CHST11: variants seen among roughly 807,000 people sequenced by gnomAD.
The protein encoded by CHST11 is C4S-1.
CHST11 carries 9 observed loss-of-function variants against 30.4 expected under a neutral mutation model. That is an observed-to-expected ratio of 0.30 (90% CI 0.18 to 0.52). The LOEUF (loss-of-function observed/expected upper bound fraction) is 0.52, where lower values mean the gene tolerates loss of function less well. CHST11 is among the 20% of genes least tolerant of loss of function. CHST11 has a pLI of 0.97. For missense variants in CHST11, 348 were observed against 460.6 expected (o/e 0.76, Z 2.24); for synonymous variants, 152 against 187.8 (o/e 0.81, Z 1.56).
intron 2 of CHST11, among the ~76,000 whole-genome samples, chr12:104,658,041 C>T (rs1246720859): frequency 6.6e-6 from 1 of 152,182 alleles, no homozygotes; most frequent in African/African-American, 2.4e-5. Flanking sequence ...CCGCCGAGGC[C>T]AGCCAGCCAA....
At chr12:104,753,570 C>A (rs899101595) in intron 2 of CHST11, among the ~76,000 whole-genome samples, 37 of 152,188 alleles carry the variant, frequency 2.4e-4, no homozygotes, top group Admixed American at 2.4e-3. Context: ...GGACCCATGA[C>A]CACTGGGCAT....
In CHST11 at chr12:104,744,870, TTTATTTATTTATTTA is replaced by T. The variant is rs1347351413; in HGVS notation, c.205-12076_205-12062del. Among the ~76,000 whole-genome samples, 213 of 151,116 alleles carry T rather than the reference TTTATTTATTTATTTA, an allele frequency of 1.4e-3. 1 individual carries two copies. The highest frequency in any genetic ancestry group is 5.0e-3 in the African/African-American group (208 of 41,212). On this transcript the variant is annotated intron_variant, in intron 2 of 2. Coordinates refer to ENST00000303694, the MANE Select transcript of CHST11 (RefSeq NM_018413.6). Reference sequence around the variant, plus strand: ...ATTTATTTATTTATTTATTTATTTATTTATTTATTTATTTATTTTTTGAGACAGAGTCTTGCTCTC... The same window carrying T: ...ATTTATTTATTTATTTATTTATTTATTTTTTTGAGACAGAGTCTTGCTCTC...
intron 2 of CHST11, among the ~76,000 whole-genome samples, chr12:104,615,796 C>G (rs538791079): frequency 1.3e-5 from 2 of 152,084 alleles, no homozygotes; most frequent in Non-Finnish European, 2.9e-5. Flanking sequence ...GGCGTGGTGG[C>G]GGGCACCTGC....
intron 1 of CHST11, among the ~76,000 whole-genome samples, chr12:104,533,436 A>G (rs993762941): frequency 1.3e-5 from 2 of 152,320 alleles, no homozygotes; most frequent in Admixed American, 6.5e-5. Context: ...CACCTGGGGA[A>G]GAACTTATAA....
chr12:104,658,587 A>T (rs193267566), intron 2 of CHST11, among the ~76,000 whole-genome samples: 92 of 152,284 alleles, frequency 6.0e-4, no homozygotes, highest in Middle Eastern at 3.4e-3. Context: ...CATGGTGTTT[A>T]TCTGGAGAGG....
intron 2 of CHST11, among the ~76,000 whole-genome samples, chr12:104,658,392 C>G (rs1200537630): frequency 6.6e-6 from 1 of 152,126 alleles, no homozygotes; most frequent in African/African-American, 2.4e-5. Flanking sequence ...AAATTTCCCC[C>G]TCTTGTCATG....
intron 1 of CHST11, among the ~76,000 whole-genome samples, chr12:104,595,940 A>T (rs188234417): frequency 1.3e-5 from 2 of 152,204 alleles, no homozygotes; most frequent in African/African-American, 2.4e-5. Context: ...ACTTGGTTTT[A>T]GCACTCAAAG....
At chr12:104,649,715 G>A (rs1333222118) in intron 2 of CHST11, among the ~76,000 whole-genome samples, 1 of 152,230 alleles carries the variant, frequency 6.6e-6, no homozygotes, top group Non-Finnish European at 1.5e-5. Context: ...CTGCCCAGGA[G>A]TCAGAGTATA....
chr12:104,660,860 TA>T (rs2039592571), intron 2 of CHST11, among the ~76,000 whole-genome samples: 1 of 152,200 alleles, frequency 6.6e-6, no homozygotes, highest in Admixed American at 6.5e-5. Context: ...GAGTTATAGT[TA>T]AAGGATGCTG....
intron 1 of CHST11, among the ~76,000 whole-genome samples, chr12:104,517,979 G>T (rs1232018145): frequency 1.3e-5 from 2 of 152,152 alleles, no homozygotes; most frequent in African/African-American, 4.8e-5. Context: ...GCAGTGAGAA[G>T]TTCCCGCCTC....
At chr12:104,553,568 C>CGAGAGAGAGAGAGAGAGAGAGAGAGAGA (rs3039120) in intron 1 of CHST11, 8 of 140,222 alleles carry the variant, frequency 5.7e-5, no homozygotes, top group African/African-American at 2.0e-4. Flanking sequence ...ATGGTGTCAG[C>CGAGAGAGAGAGAGAGAGAGAGAGAGAGA]GAGAGAGAGA....
At position 104,761,413 on chromosome 12, in the gene CHST11, T is replaced by C. The variant is rs2040523864; in HGVS notation, c.*3610T>C. 1 of 150,788 alleles carries C rather than the reference T, an allele frequency of 6.6e-6. No homozygotes were observed. The highest frequency in any genetic ancestry group is 2.5e-5 in the African/African-American group (1 of 40,260). The allele number at this position is 150,788 out of a possible 1,614,324, so 9.3% of individuals were successfully genotyped here. A position where few individuals can be genotyped will look rare whatever the true frequency, so the allele number is the denominator to read the frequency against. On this transcript the variant is annotated 3_prime_UTR_variant, in exon 3 of 3. Coordinates refer to ENST00000303694, the MANE Select transcript of CHST11 (RefSeq NM_018413.6). ...GGTCTGGATCAGTGCTGAGATAGAG[T>C]TGGCAGAAGAAGCAGAGGCACTCTG...
intron 1 of CHST11, among the ~76,000 whole-genome samples, chr12:104,474,060 A>G (rs1417581429): frequency 6.6e-6 from 1 of 152,188 alleles, no homozygotes; most frequent in Non-Finnish European, 1.5e-5. Flanking sequence ...CAGGCAAGCT[A>G]AAAGGGTTTC....
intron 2 of CHST11, among the ~76,000 whole-genome samples, chr12:104,673,868 C>T (rs2039717313): frequency 6.6e-6 from 1 of 152,228 alleles, no homozygotes; most frequent in South Asian, 2.1e-4. Flanking sequence ...ACATGTTCTG[C>T]ATCAATCCAC....
chr12:104,687,870 T>C (rs1213139355), intron 2 of CHST11, among the ~76,000 whole-genome samples: 4 of 152,180 alleles, frequency 2.6e-5, no homozygotes, highest in Non-Finnish European at 4.4e-5. Flanking sequence ...AGTTTTCTGG[T>C]ACAAGGGAAG....
chr12:104,599,812 G>A (rs2038942073), intron 1 of CHST11, among the ~76,000 whole-genome samples: 1 of 152,122 alleles, frequency 6.6e-6, no homozygotes, highest in Non-Finnish European at 1.5e-5. Flanking sequence ...TAGCCCAAGG[G>A]CCAAATCTGG....
chr12:104,474,966 T>C (rs1477129822), intron 1 of CHST11, among the ~76,000 whole-genome samples: 1 of 152,196 alleles, frequency 6.6e-6, no homozygotes, highest in Non-Finnish European at 1.5e-5. Flanking sequence ...TATTTTTGGG[T>C]TCTGAGTAAA....
At position 104,458,906 on chromosome 12, in the gene CHST11, A is replaced by G. The variant is rs147201811; in HGVS notation, c.118+1377A>G. 1.3e-3 allele frequency among the ~76,000 whole-genome samples: 191 copies of G among 152,324 alleles called. No homozygotes were observed. Among genetic ancestry groups the G allele is most frequent in the African/African-American group, 4.5e-3 (186 of 41,576 alleles). On this transcript the variant is annotated intron_variant, in intron 1 of 2. Transcript: ENST00000303694. The surrounding 1 kb of genome is among the most constrained non-coding windows in gnomAD (Gnocchi z 5.7). Reference sequence around the variant, plus strand: ...CTGCGTTTGGGTCGATGGCAGAGGAATAAAGCTGTTCTTTCCATCAAACAG... The same window carrying G: ...CTGCGTTTGGGTCGATGGCAGAGGAGTAAAGCTGTTCTTTCCATCAAACAG...
chr12:104,607,304 A>G (rs956978757), intron 2 of CHST11, among the ~76,000 whole-genome samples: 4 of 152,104 alleles, frequency 2.6e-5, no homozygotes, highest in Non-Finnish European at 4.4e-5. Context: ...TAATAGTCCA[A>G]AGGTTGTTGG....
Sources: gnomAD v4.1 joint callset for allele counts (sites outside exome capture counted in the v4.1 genomes callset) on GRCh38, gnomAD v4.1.1 for gene constraint, Gnocchi (gnomAD v3.1) non-coding constraint, MANE v1.5 for transcripts, NCBI Gene and HGNC (gene_info 2026-07-23, HGNC 2026-07-21) for gene names.